The following TRPM3 variants were observed in gnomAD, a reference collection of about 807,000 sequenced individuals.
TRPM3 encodes the protein long transient receptor potential channel 3.
In TRPM3, 77 loss-of-function variants were observed where a neutral mutation model predicts 181.2. The ratio of observed to expected loss-of-function variants is 0.42; its 90% CI spans 0.35 to 0.51. The LOEUF (loss-of-function observed/expected upper bound fraction) is 0.51. Ranked by LOEUF, TRPM3 falls within the 20% of genes least tolerant of loss-of-function variation. TRPM3 has a pLI of 0.01. For synonymous variants in TRPM3, 745 were observed against 796.4 expected (o/e 0.94, Z 1.09); for missense variants, 1,759 against 2,196.7 (o/e 0.80, Z 3.98).
intron 1 of TRPM3, among the ~76,000 whole-genome samples, chr9:71,385,865 T>C (rs1339666496): frequency 6.6e-6 from 1 of 151,800 alleles, no homozygotes; most frequent in East Asian, 2.0e-4. Flanking sequence ...CCAACACACC[T>C]GGCTAATTTT....
intron 1 of TRPM3, among the ~76,000 whole-genome samples, chr9:71,009,913 G>C (rs2430871): frequency 0.85 from 129,660 of 152,144 alleles, 55,369 homozygotes; most frequent in East Asian, 1. Flanking sequence ...ATAGAGAACC[G>C]AGAAATAAAT....
chr9:71,029,867 T>C (rs1177646961), intron 1 of TRPM3, among the ~76,000 whole-genome samples: 1 of 152,138 alleles, frequency 6.6e-6, no homozygotes, highest in African/African-American at 2.4e-5. Flanking sequence ...TATAGGAGAA[T>C]TAGGGCAATG....
chr9:71,036,937 A>C (rs1159538296), intron 1 of TRPM3, among the ~76,000 whole-genome samples: 1 of 152,192 alleles, frequency 6.6e-6, no homozygotes, highest in Non-Finnish European at 1.5e-5. Context: ...AACCCACTAC[A>C]ACATGATTGT....
At chr9:70,642,433 C>T (rs992156094) in intron 9 of TRPM3, among the ~76,000 whole-genome samples, 2 of 152,150 alleles carry the variant, frequency 1.3e-5, no homozygotes, top group South Asian at 2.1e-4. Context: ...CCTCTGGGTT[C>T]GCCAGCAGTC....
chr9:71,340,983 AG>A lies in TRPM3; in HGVS notation c.183+105669del, dbSNP rs543946521. 2.6e-5 allele frequency among the ~76,000 whole-genome samples: 4 copies of A among 152,290 alleles called. No homozygotes were observed. In the East Asian group the frequency reaches 7.7e-4, roughly 29 times the overall value. On this transcript the variant is annotated intron_variant, in intron 1 of 24. Coordinates refer to the TRPM3 transcript ENST00000357533. ...TCATCAGTTTTTGTCAAAACGGCACAGAAGCCAATGTGAAAAAGCTCCCAAA... is the reference window on the plus strand; with the variant it reads ...TCATCAGTTTTTGTCAAAACGGCACAAAGCCAATGTGAAAAAGCTCCCAAA...
At chr9:70,583,382 T>G (rs80206507) in intron 22 of TRPM3, among the ~76,000 whole-genome samples, 1 of 152,224 alleles carries the variant, frequency 6.6e-6, no homozygotes, top group Non-Finnish European at 1.5e-5. Flanking sequence ...AGGTTACCTA[T>G]GACTTATAGT....
intron 9 of TRPM3, among the ~76,000 whole-genome samples, chr9:70,676,312 C>T (rs1397491539): frequency 6.6e-6 from 1 of 152,162 alleles, no homozygotes; most frequent in Non-Finnish European, 1.5e-5. Flanking sequence ...TGTGGTCTGA[C>T]TTTATATTGA....
intron 1 of TRPM3, among the ~76,000 whole-genome samples, chr9:71,351,876 GTTTTTTT>G (rs55844483): frequency 2.1e-5 from 3 of 141,692 alleles, no homozygotes; most frequent in Non-Finnish European, 3.0e-5. Flanking sequence ...GTTTGTTTTT[GTTTTTTT>G]TTTTTTTTTT....
intron 1 of TRPM3, among the ~76,000 whole-genome samples, chr9:71,401,287 G>A (rs1041346690): frequency 4.6e-5 from 7 of 151,420 alleles, no homozygotes; most frequent in East Asian, 1.9e-4. Context: ...ACAAACACAC[G>A]TGGGGTGGAA....
intron 9 of TRPM3, among the ~76,000 whole-genome samples, chr9:70,666,819 G>T (rs1000721227): frequency 1.5e-5 from 2 of 135,856 alleles, no homozygotes; most frequent in African/African-American, 5.9e-5. Flanking sequence ...TTATTGCATT[G>T]TTTTTTTATC....
At chr9:71,061,502 C>T (rs530580608) in intron 1 of TRPM3, among the ~76,000 whole-genome samples, 1 of 152,034 alleles carries the variant, frequency 6.6e-6, no homozygotes, top group Non-Finnish European at 1.5e-5. Context: ...ATAAGAGTGA[C>T]TTACTGTGCC....
intron 1 of TRPM3, among the ~76,000 whole-genome samples, chr9:70,899,656 C>T (rs2096353991): frequency 1.3e-5 from 2 of 152,158 alleles, no homozygotes; most frequent in African/African-American, 4.8e-5. Context: ...GAGAACTGAC[C>T]ATTCACTCAT....
At chr9:71,404,186 C>A (rs1048173434) in intron 1 of TRPM3, among the ~76,000 whole-genome samples, 4 of 152,120 alleles carry the variant, frequency 2.6e-5, no homozygotes, top group African/African-American at 9.7e-5. Flanking sequence ...ATGTCTATGT[C>A]CTTGGCATCG....
chr9:71,212,203 A>G (rs11142735), intron 1 of TRPM3, among the ~76,000 whole-genome samples: 65,277 of 151,604 alleles, frequency 0.43, 14,422 homozygotes, highest in East Asian at 0.52. Flanking sequence ...AGCAGCCTCA[A>G]CCTCCCGGGC....
At chr9:70,935,753 G>GT (rs1344840874) in intron 1 of TRPM3, among the ~76,000 whole-genome samples, 4 of 152,086 alleles carry the variant, frequency 2.6e-5, no homozygotes, top group Non-Finnish European at 5.9e-5. Flanking sequence ...ACAAAATCTT[G>GT]TTAATATTTG....
At chr9:71,003,690 T>C (rs149173519) in intron 1 of TRPM3, among the ~76,000 whole-genome samples, 4 of 152,282 alleles carry the variant, frequency 2.6e-5, no homozygotes, top group African/African-American at 9.6e-5. Flanking sequence ...TGAATAAAGT[T>C]CGGTATCGTT....
intron 1 of TRPM3, among the ~76,000 whole-genome samples, chr9:71,019,450 T>C (rs984716399): frequency 6.6e-6 from 1 of 152,068 alleles, no homozygotes; most frequent in African/African-American, 2.4e-5. Flanking sequence ...CTGTATATCA[T>C]CAATTACTGA....
intron 14 of TRPM3, among the ~76,000 whole-genome samples, chr9:70,622,801 T>C (rs1183420685): frequency 7.2e-5 from 11 of 152,230 alleles, no homozygotes; most frequent in African/African-American, 1.9e-4. Flanking sequence ...TTCCTCCAAA[T>C]TGTATTTGGC....
intron 1 of TRPM3, among the ~76,000 whole-genome samples, chr9:71,425,104 G>GGTTTCTA (rs1298067372): frequency 6.6e-6 from 1 of 151,824 alleles, no homozygotes; most frequent in African/African-American, 2.4e-5. Context: ...ATATGTCTCT[G>GGTTTCTA]GTTTTTCTTT....
Sources: gnomAD v4.1 joint callset for allele counts (sites outside exome capture counted in the v4.1 genomes callset) on GRCh38, gnomAD v4.1.1 for gene constraint, MANE v1.5 for transcripts, NCBI Gene and HGNC (gene_info 2026-07-23, HGNC 2026-07-21) for gene names.